Variants in ZNF331 observed in about 807,000 individuals in gnomAD.
The protein encoded by ZNF331 is zinc finger protein 331.
A neutral mutation model predicts 7.0 loss-of-function variants in ZNF331; 2 were observed. The ratio of observed to expected loss-of-function variants is 0.29; its 90% confidence interval spans 0.12 to 0.90. The LOEUF is 0.90. Among genes scored for constraint, ZNF331 ranks in the 40% least tolerant of loss-of-function variants. The pLI is 0.58. For missense variants in ZNF331, 432 were observed against 587.7 expected (o/e 0.74, Z 2.74); for synonymous variants, 196 against 205.4 (o/e 0.95, Z 0.39).
chr19:53,550,502 C>T (rs1283674923), intron 2 of ZNF331, among the ~76,000 whole-genome samples: 1 of 133,088 alleles, frequency 7.5e-6, no homozygotes, highest in Non-Finnish European at 1.6e-5. Flanking sequence ...CCTCTCTTTA[C>T]AGTTTTTGAT....
At position 53,577,466 on chromosome 19, in the gene ZNF331, A is replaced by G. The variant is rs1191599711; in HGVS notation, c.906A>G (p.Gln302=). 1.7e-5 allele frequency: 27 copies of G among 1,614,080 alleles called. No individual in the cohort carries two copies. Among genetic ancestry groups the G allele is most frequent in the Non-Finnish European group, 2.3e-5 (27 of 1,180,052 alleles). The change falls in exon 6 of 6, where the codon CAA becomes CAG. Residue 302 remains glutamine (Q), a synonymous_variant. Coordinates refer to ENST00000449416, the MANE Select transcript of ZNF331 (RefSeq NM_001079906.2). The stretch of plus-strand genomic sequence containing the variant: ...CAGGTGAGAAACCCTATGAATGTCA[A>G]GAATGTGGGAAGGCCTTTACTCGAG... The part of the protein sequence containing the change: ...IHTGEKPYEC[Q]ECGKAFTRVN...
the ZNF331 span, chr19:53,512,290 C>A: frequency 1.3e-5 from 2 of 153,532 alleles, no homozygotes; most frequent in South Asian, 3.6e-4. Flanking sequence ...CCTGGAAGGT[C>A]TGCACCATGG....
upstream of ZNF331, among the ~76,000 whole-genome samples, chr19:53,535,909 G>A (rs2087730977): frequency 6.6e-6 from 1 of 151,616 alleles, no homozygotes; most frequent in African/African-American, 2.4e-5. Flanking sequence ...AGGTTCAAGC[G>A]AATCTCCTGA....
intron 2 of ZNF331, among the ~76,000 whole-genome samples, chr19:53,551,076 C>A (rs1447848872): frequency 6.6e-6 from 1 of 151,934 alleles, no homozygotes; most frequent in Non-Finnish European, 1.5e-5. Flanking sequence ...CGTGATCCAC[C>A]CACCTTGGCC....
chr19:53,521,361 TGA>T (rs1491394939), exon 1 of ZNF331: 1 of 153,508 alleles, frequency 6.5e-6, no homozygotes. Context: ...TGTGTGTGTG[TGA>T]ATAAGCCAGA....
the ZNF331 span, among the ~76,000 whole-genome samples, chr19:53,506,243 G>A: frequency 7.9e-6 from 1 of 126,424 alleles, no homozygotes; most frequent in Admixed American, 7.8e-5. Flanking sequence ...GCTGAGGCAG[G>A]AGAATGGCGT....
At position 53,571,785 on chromosome 19, in the gene ZNF331, C is replaced by T. The variant is rs1290114925; in HGVS notation, c.136+55C>T. On this transcript the variant is annotated intron_variant, in intron 5 of 5. Transcript: ENST00000449416. This position sits in a 1 kb window ranked among gnomAD's most constrained non-coding sequence, Gnocchi z 4.7. ...TGCCTCCTGGAATATCCGCTCTCCC[C>T]TGTGAATTTCAGGACCGCCTTTCAA... The T allele has an allele frequency of 3.3e-6, 5 of 1,537,966 alleles. No homozygotes were observed. The highest frequency in any genetic ancestry group is 4.4e-6 in the Non-Finnish European group (5 of 1,143,100).
intron 2 of ZNF331, among the ~76,000 whole-genome samples, chr19:53,531,937 C>T (rs573501586): frequency 5.9e-5 from 9 of 152,100 alleles, no homozygotes; most frequent in African/African-American, 1.2e-4. Context: ...TTTATTTATT[C>T]GGATTATTGT....
intron 2 of ZNF331, among the ~76,000 whole-genome samples, chr19:53,544,860 A>C (rs2088484324): frequency 6.6e-6 from 1 of 151,440 alleles, no homozygotes; most frequent in Non-Finnish European, 1.5e-5. Flanking sequence ...CAGCCTCCTG[A>C]GTAGCGGGGA....
At chr19:53,527,717 A>G (rs1319096691) in intron 2 of ZNF331, among the ~76,000 whole-genome samples, 1 of 152,198 alleles carries the variant, frequency 6.6e-6, no homozygotes, top group Non-Finnish European at 1.5e-5. Flanking sequence ...CAACCCAGCC[A>G]TGGGTCACAT....
At chr19:53,505,376 G>A in the ZNF331 span, among the ~76,000 whole-genome samples, 3 of 151,956 alleles carry the variant, frequency 2.0e-5, no homozygotes, top group Non-Finnish European at 4.4e-5. Flanking sequence ...CAACCTCCCC[G>A]CCCTGGGCTC....
intron 2 of ZNF331, among the ~76,000 whole-genome samples, chr19:53,531,001 GC>G (rs988499027): frequency 2.5e-4 from 38 of 152,064 alleles, no homozygotes; most frequent in African/African-American, 8.9e-4. Context: ...TGATCCCAGT[GC>G]CCTCTGACTT....
At chr19:53,545,255 A>G (rs186807287) in intron 2 of ZNF331, among the ~76,000 whole-genome samples, 332 of 152,158 alleles carry the variant, frequency 2.2e-3, no homozygotes, top group African/African-American at 7.8e-3. Flanking sequence ...TAAATTCCAC[A>G]TGTGGAATTT....
intron 3 of ZNF331, among the ~76,000 whole-genome samples, 166 bp downstream of exon 3, chr19:53,556,074 C>G (rs2089389423): frequency 6.6e-6 from 1 of 151,730 alleles, no homozygotes; most frequent in African/African-American, 2.4e-5. Context: ...GAAACCCCGT[C>G]TCTACTAAAA....
chr19:53,569,303 G>C lies in ZNF331; in HGVS notation c.-73-1G>C. 6.4e-6 allele frequency: 10 copies of C among 1,566,478 alleles called. No individual in the cohort carries two copies. Among genetic ancestry groups the C allele is most frequent in the Non-Finnish European group, 8.8e-6 (10 of 1,138,994 alleles). On this transcript the variant is annotated splice_acceptor_variant, in intron 3 of 5. Coordinates refer to ENST00000449416, the MANE Select transcript of ZNF331 (RefSeq NM_001079906.2). LOFTEE classifies it low-confidence loss of function (5UTR_SPLICE). ...TTTAATCTCTTTTTTTCCACCCCTA[G>C]CTCTAGCCTCTCGGAATTTGTCTTC... is the stretch of plus-strand genomic sequence containing the variant.
chr19:53,580,090 T>A lies in ZNF331; in HGVS notation c.*2138T>A, dbSNP rs2090868997. 1 of 211,118 alleles carries A rather than the reference T, an allele frequency of 4.7e-6. No individual in the cohort carries two copies. Among genetic ancestry groups the A allele is most frequent in the Non-Finnish European group, 9.6e-6 (1 of 104,262 alleles). The allele number at this position is 211,118 out of a possible 1,614,324, so 13.1% of individuals were successfully genotyped here. A position where few individuals can be genotyped will look rare whatever the true frequency, so the allele number is the denominator to read the frequency against. On this transcript the variant is annotated 3_prime_UTR_variant, in exon 6 of 6. Transcript: ENST00000449416. ...TAAATTTAAATCACAATAACAAGGC[T>A]GATTTCAGATGTCTCACCACAAAGA... is the stretch of plus-strand genomic sequence containing the variant.
Position 53,568,264 on chromosome 19 carries a change from C to T in ZNF331, c.-73-1040C>T, listed in dbSNP as rs142103589. ...CGTTCAAAAAAAAAAAAAAAAAGTA[C>T]GTAAGTTGAAGTCCAGGAGGGTTCC... On this transcript the variant is annotated intron_variant, in intron 3 of 5. Coordinates refer to ENST00000449416, the MANE Select transcript of ZNF331 (RefSeq NM_001079906.2). Among the ~76,000 whole-genome samples the T allele has an allele frequency of 1.1e-3, 165 of 150,894 alleles. 2 individuals carry two copies. Among genetic ancestry groups the T allele is most frequent in the African/African-American group, 3.8e-3 (157 of 41,144 alleles).
In ZNF331 at chr19:53,571,542, TC is replaced by T; in HGVS notation, c.10-61del. On this transcript the variant is annotated intron_variant, in intron 4 of 5. Transcript: ENST00000449416. The surrounding 1 kb of genome is among the most constrained non-coding windows in gnomAD (Gnocchi z 4.7). ...ACCCTACCCAGAGGGTGGCCTCCTG[TC>T]TCCTTCATCTGGAAGCTGTTTCCTT... 6.3e-7 allele frequency: 1 copy of T among 1,594,056 alleles called. No individual in the cohort carries two copies. The highest frequency in any genetic ancestry group is 2.2e-5 in the East Asian group (1 of 44,762).
chr19:53,577,981 G>C lies in ZNF331; in HGVS notation c.*29G>C. On this transcript the variant is annotated 3_prime_UTR_variant, in exon 6 of 6. Coordinates refer to ENST00000449416, the MANE Select transcript of ZNF331 (RefSeq NM_001079906.2). ...GCCTTTTGAACGCAGTAGCCCGCTC[G>C]TATCTATGGTTTCGCTTTCCACAGT... 1 of 1,569,856 alleles carries C rather than the reference G, an allele frequency of 6.4e-7. No homozygotes were observed.
Sources: allele counts gnomAD v4.1 joint callset (sites outside exome capture counted in the v4.1 genomes callset), GRCh38; gene constraint gnomAD v4.1.1; non-coding constraint Gnocchi (gnomAD v3.1); transcripts MANE v1.5; gene names NCBI Gene and HGNC (gene_info 2026-07-23, HGNC 2026-07-21).